TIMMDC1: variants seen among roughly 807,000 people sequenced by gnomAD.
TIMMDC1 encodes translocase of inner mitochondrial membrane domain containing 1.
In TIMMDC1, 25 loss-of-function variants were observed where a neutral mutation model predicts 32.6. The ratio of observed to expected loss-of-function variants is 0.77; its 90% CI spans 0.56 to 1.07. TIMMDC1 has a LOEUF of 1.07. TIMMDC1 is among the 50% of genes least tolerant of loss of function. The pLI is 0.00. For synonymous variants in TIMMDC1, 130 were observed against 127.6 expected (o/e 1.02, Z -0.13); for missense variants, 329 against 349.2 (o/e 0.94, Z 0.46).
At chr3:119,523,093 A>C (rs1170400671) in intron 6 of TIMMDC1, among the ~76,000 whole-genome samples, 2 of 152,240 alleles carry the variant, frequency 1.3e-5, no homozygotes, top group Admixed American at 6.5e-5. Flanking sequence ...CTGATCTATT[A>C]TTTGGAAATT....
At chr3:119,510,327 C>A (rs2081945146) in intron 4 of TIMMDC1, among the ~76,000 whole-genome samples, 1 of 151,906 alleles carries the variant, frequency 6.6e-6, no homozygotes, top group African/African-American at 2.4e-5. Flanking sequence ...AATTACAAAT[C>A]ATAAATAATA....
chr3:119,507,382 T>C (rs1003792448), intron 4 of TIMMDC1, among the ~76,000 whole-genome samples: 1 of 152,206 alleles, frequency 6.6e-6, no homozygotes, highest in African/African-American at 2.4e-5. Context: ...GAAGTGTCTG[T>C]TGATAATGTC....
At chr3:119,500,091 CCTAT>C (rs762304273) in intron 1 of TIMMDC1, among the ~76,000 whole-genome samples, 8 of 152,230 alleles carry the variant, frequency 5.3e-5, no homozygotes, top group East Asian at 1.9e-4. Flanking sequence ...TTAGTACAGT[CCTAT>C]CTGAGTATTT....
At chr3:119,505,277 G>C (rs2081910671) in intron 4 of TIMMDC1, among the ~76,000 whole-genome samples, 1 of 151,828 alleles carries the variant, frequency 6.6e-6, no homozygotes, top group African/African-American at 2.4e-5. Context: ...TTTCAGAAAG[G>C]TAAGTTAACT....
At position 119,500,854 on chromosome 3, in the gene TIMMDC1, T is replaced by C. The variant is rs1475575057; in HGVS notation, c.354T>C (p.Asp118=). 1.2e-6 allele frequency: 2 copies of C among 1,613,690 alleles called. No homozygotes were observed. Among genetic ancestry groups the C allele is most frequent in the Non-Finnish European group, 1.7e-6 (2 of 1,179,820 alleles). ...SQAEIYHNRF[D]AVQSAHRAAT... is the part of the protein sequence containing the mutation. The stretch of plus-strand genomic sequence containing the variant: ...CAGAAATTTATCATAACCGGTTTGA[T>C]GCTGTGGTATGTACTGGTGATCTAA... Residue 118 remains aspartate (D), a synonymous_variant, in exon 2 of 7, where the codon GAT becomes GAC. Coordinates refer to ENST00000494664, the MANE Select transcript of TIMMDC1 (RefSeq NM_016589.4).
intron 4 of TIMMDC1, among the ~76,000 whole-genome samples, chr3:119,504,850 G>A (rs2081907697): frequency 6.6e-6 from 1 of 152,160 alleles, no homozygotes; most frequent in Admixed American, 6.5e-5. Context: ...GGGAGGCCAA[G>A]GCAGGTGGAT....
At position 119,503,568 on chromosome 3, in the gene TIMMDC1, CG is replaced by C; in HGVS notation, c.398del (p.Arg133LeufsTer14). 2 of 1,612,386 alleles carry C rather than the reference CG, an allele frequency of 1.2e-6. No homozygotes were observed. Among genetic ancestry groups the C allele is most frequent in the Non-Finnish European group, 1.7e-6 (2 of 1,179,516 alleles). ...AHRAATRGFIRYGWRWGWRTA... is the reference protein window; with the variant it reads ...AHRAATRGFIXYGWRWGWRTA... ...TCGTGCTGCCACACGAGGCTTCATT[CG>C]TTATGGCTGGCGCTGGGGTTGGAGA... is the stretch of plus-strand genomic sequence containing the variant. On this transcript the variant is annotated frameshift_variant, in exon 3 of 7. Coordinates refer to ENST00000494664, the MANE Select transcript of TIMMDC1 (RefSeq NM_016589.4). LOFTEE classifies it high-confidence loss of function.
At chr3:119,505,016 T>A (rs2081908886) in intron 4 of TIMMDC1, among the ~76,000 whole-genome samples, 1 of 151,022 alleles carries the variant, frequency 6.6e-6, no homozygotes, top group African/African-American at 2.4e-5. Flanking sequence ...AGGCAGAGGT[T>A]GCAGTGAGCT....
chr3:119,513,846 G>A, intron 5 of TIMMDC1, 127 bp downstream of exon 5: 1 of 588,582 alleles, frequency 1.7e-6, no homozygotes, highest in Non-Finnish European at 2.9e-6. Flanking sequence ...CTCTAGTCTT[G>A]CATTGGCAGT....
At chr3:119,516,667 C>T (rs1237044731) in intron 5 of TIMMDC1, among the ~76,000 whole-genome samples, 1 of 152,176 alleles carries the variant, frequency 6.6e-6, no homozygotes, top group Admixed American at 6.5e-5. Flanking sequence ...ATCAGTTTCT[C>T]AATGGGTTGC....
chr3:119,511,294 A>G (rs1413893109), intron 4 of TIMMDC1, among the ~76,000 whole-genome samples: 2 of 152,042 alleles, frequency 1.3e-5, no homozygotes, highest in Non-Finnish European at 2.9e-5. Flanking sequence ...CCTGGCCAAC[A>G]TGGTGAAACC....
chr3:119,516,791 A>G (rs1330130565), intron 5 of TIMMDC1, among the ~76,000 whole-genome samples: 2 of 152,260 alleles, frequency 1.3e-5, no homozygotes, highest in East Asian at 3.9e-4. Flanking sequence ...TGCCCTCCAC[A>G]TTTCCTGTCT....
intron 4 of TIMMDC1, among the ~76,000 whole-genome samples, chr3:119,506,590 C>T (rs920184159): frequency 1.9e-4 from 29 of 151,262 alleles, no homozygotes; most frequent in African/African-American, 6.8e-4. Context: ...ACTTCTTGTC[C>T]TATTAATTAT....
intron 6 of TIMMDC1, among the ~76,000 whole-genome samples, chr3:119,521,434 C>T (rs1204385072): frequency 6.6e-6 from 1 of 152,174 alleles, no homozygotes; most frequent in African/African-American, 2.4e-5. Context: ...GTAATCCCAA[C>T]TGCGTGGGAG....
At position 119,498,901 on chromosome 3, in the gene TIMMDC1, C is replaced by T. The variant is rs776560512; in HGVS notation, c.168C>T (p.Asp56=). The change falls in exon 1 of 7, where the codon GAC becomes GAT. Residue 56 remains aspartate, a synonymous_variant. Transcript: ENST00000494664. ...PEPYYPESGW[D]RLRELFGKDE... ...CCTATTACCCGGAATCTGGATGGGA[C>T]CGCCTCCGGGAGCTGTTTGGCAAAG... The T allele has an allele frequency of 3.1e-6, 5 of 1,613,794 alleles. No homozygotes were observed. The highest frequency in any genetic ancestry group is 2.2e-5 in the East Asian group (1 of 44,880).
chr3:119,515,304 G>C (rs540604138), intron 5 of TIMMDC1, among the ~76,000 whole-genome samples: 14 of 152,088 alleles, frequency 9.2e-5, no homozygotes, highest in African/African-American at 3.4e-4. Context: ...CTGTCAGCCA[G>C]ACTATTCTCT....
At chr3:119,518,510 C>T (rs185923754) in intron 6 of TIMMDC1, among the ~76,000 whole-genome samples, 91 of 150,250 alleles carry the variant, frequency 6.1e-4, no homozygotes, top group African/African-American at 1.6e-3. Flanking sequence ...GCTGAGATTG[C>T]GCCACTGCAC....
chr3:119,512,396 A>G (rs1008037910), intron 4 of TIMMDC1, among the ~76,000 whole-genome samples: 1 of 152,120 alleles, frequency 6.6e-6, no homozygotes, highest in Non-Finnish European at 1.5e-5. Context: ...CTCCTGCCTC[A>G]GCCTCCTGAG....
Position 119,513,726 on chromosome 3 carries a change from A to G in TIMMDC1, c.596+7A>G, listed in dbSNP as rs760473870. On this transcript the variant is annotated splice_region_variant and intron_variant, in intron 5 of 6. Coordinates refer to ENST00000494664, the MANE Select transcript of TIMMDC1 (RefSeq NM_016589.4). ...TAATTGGAGCCTTGCTGGGGTAAGC[A>G]TTAACATGGTTTGGTTCTAAATTGG... 6.3e-7 allele frequency: 1 copy of G among 1,583,592 alleles called. No individual in the cohort carries two copies. The highest frequency in any genetic ancestry group is 8.6e-7 in the Non-Finnish European group (1 of 1,168,080).
Sources: gnomAD v4.1 joint callset for allele counts (sites outside exome capture counted in the v4.1 genomes callset) on GRCh38, gnomAD v4.1.1 for gene constraint, MANE v1.5 for transcripts, NCBI Gene and HGNC (gene_info 2026-07-23, HGNC 2026-07-21) for gene names.